Variants in DCC observed in about 807,000 individuals in gnomAD.
DCC encodes the protein netrin receptor DCC.
DCC carries 58 observed loss-of-function variants against 172.5 expected under a neutral mutation model. The observed-to-expected ratio is 0.34, with a 90% CI of 0.27 to 0.42. The LOEUF (loss-of-function observed/expected upper bound fraction) is 0.42. Ranked by LOEUF, DCC falls within the 10% of genes least tolerant of loss-of-function variation. The pLI is 1.00. For missense variants in DCC, 1,740 were observed against 1,791.0 expected, an observed-to-expected ratio of 0.97 and a Z score of 0.51; for synonymous variants, 709 against 644.5, an observed-to-expected ratio of 1.10 and a Z score of -1.52.
intron 5 of DCC, among the ~76,000 whole-genome samples, chr18:53,049,910 A>C (rs2144034445): frequency 6.6e-6 from 1 of 152,206 alleles, no homozygotes; most frequent in East Asian, 1.9e-4. Context: ...GCCATCTGCA[A>C]ATTGAGGAGC....
chr18:53,127,629 T>C (rs1331149569), intron 7 of DCC, among the ~76,000 whole-genome samples: 1 of 152,164 alleles, frequency 6.6e-6, no homozygotes, highest in Non-Finnish European at 1.5e-5. Flanking sequence ...TGTATGACTT[T>C]GAACAAATAA....
intron 2 of DCC, among the ~76,000 whole-genome samples, chr18:52,901,183 A>G (rs1019015756): frequency 1.3e-5 from 2 of 152,230 alleles, no homozygotes; most frequent in African/African-American, 4.8e-5. Context: ...CTGTGATCCT[A>G]GCACTTCAGG....
In DCC at chr18:52,764,838, A is replaced by C. The variant is rs142580082; in HGVS notation, c.412+12464A>C. On this transcript the variant is annotated intron_variant, in intron 2 of 28. Transcript: ENST00000442544. Reference sequence around the variant, plus strand: ...CTGTAAAAAGAAGTTTCTAGTAGATATCACTCCATGAACTATCTTGGGATT... The same window carrying C: ...CTGTAAAAAGAAGTTTCTAGTAGATCTCACTCCATGAACTATCTTGGGATT... Among the ~76,000 whole-genome samples the C allele has an allele frequency of 2.0e-3, 300 of 152,276 alleles. No individual in the cohort carries two copies. In the East Asian group the frequency reaches 0.02, roughly 10 times the overall value.
At chr18:53,408,961 G>A (rs1450557638) in intron 19 of DCC, among the ~76,000 whole-genome samples, 2 of 152,174 alleles carry the variant, frequency 1.3e-5, no homozygotes, top group South Asian at 2.1e-4. Flanking sequence ...ATTCTATAAG[G>A]CACTATGGGA....
At chr18:52,737,491 T>A (rs1313494732) in intron 1 of DCC, among the ~76,000 whole-genome samples, 4 of 152,198 alleles carry the variant, frequency 2.6e-5, no homozygotes, top group Admixed American at 1.3e-4. Flanking sequence ...TAAGACCATT[T>A]TCTCATCCTG....
intron 12 of DCC, 54 bp downstream of exon 12, chr18:53,215,651 T>C: frequency 7.0e-7 from 1 of 1,432,632 alleles, no homozygotes; most frequent in Non-Finnish European, 9.9e-7. Flanking sequence ...ACCTATCATG[T>C]ATAACCTTCA....
intron 1 of DCC, among the ~76,000 whole-genome samples, chr18:52,598,628 C>G (rs2033955951): frequency 6.6e-6 from 1 of 152,168 alleles, no homozygotes; most frequent in South Asian, 2.1e-4. Context: ...AGGCTCTATT[C>G]TTCTGCGGAT....
At chr18:53,080,906 C>T (rs73957023) in intron 7 of DCC, among the ~76,000 whole-genome samples, 5,936 of 152,062 alleles carry the variant, frequency 0.039, 369 homozygotes, top group African/African-American at 0.13. Flanking sequence ...ATAAGTGAGT[C>T]ATTCTCCTAC....
chr18:52,799,329 A>G (rs1022729857), intron 2 of DCC, among the ~76,000 whole-genome samples: 8 of 152,220 alleles, frequency 5.3e-5, no homozygotes, highest in Non-Finnish European at 8.8e-5. Context: ...TATACTCCTC[A>G]TTTTATAAAA....
chr18:53,202,617 T>C (rs11662175), intron 9 of DCC, among the ~76,000 whole-genome samples: 63,549 of 151,946 alleles, frequency 0.42, 13,856 homozygotes, highest in Non-Finnish European at 0.48. Context: ...ATGGTCCTAA[T>C]GTTATCTCCC....
intron 7 of DCC, among the ~76,000 whole-genome samples, chr18:53,109,506 C>G (rs767066046): frequency 4.6e-5 from 7 of 151,094 alleles, no homozygotes; most frequent in African/African-American, 7.3e-5. Context: ...GTCTCTGTCT[C>G]TGTGTGTGTG....
At chr18:52,474,592 T>C (rs1422554708) in intron 1 of DCC, among the ~76,000 whole-genome samples, 2 of 152,194 alleles carry the variant, frequency 1.3e-5, no homozygotes, top group Non-Finnish European at 2.9e-5. Context: ...AGGTTGTGAC[T>C]TCATCTGTCC....
intron 27 of DCC, among the ~76,000 whole-genome samples, chr18:53,514,855 A>G (rs2046314432): frequency 6.6e-6 from 1 of 151,956 alleles, no homozygotes; most frequent in Admixed American, 6.6e-5. Context: ...TTCACAGCCG[A>G]ATTCTACCAG....
At chr18:52,610,896 G>T (rs1471508715) in intron 1 of DCC, among the ~76,000 whole-genome samples, 1 of 152,016 alleles carries the variant, frequency 6.6e-6, no homozygotes, top group African/African-American at 2.4e-5. Flanking sequence ...CAGGTGGTGG[G>T]CTAGATTTTC....
intron 16 of DCC, among the ~76,000 whole-genome samples, chr18:53,389,459 G>A (rs1599096353): frequency 6.6e-6 from 1 of 152,100 alleles, no homozygotes; most frequent in Non-Finnish European, 1.5e-5. Context: ...CAGACACTAG[G>A]TTTTTATAGC....
chr18:53,447,915 T>C (rs1161642937), intron 22 of DCC, among the ~76,000 whole-genome samples: 3 of 152,190 alleles, frequency 2.0e-5, no homozygotes, highest in Non-Finnish European at 4.4e-5. Context: ...TTTGTAATCA[T>C]AATTTTTTAA....
At chr18:52,709,968 G>T (rs569536494) in intron 1 of DCC, among the ~76,000 whole-genome samples, 1 of 152,172 alleles carries the variant, frequency 6.6e-6, no homozygotes, top group Non-Finnish European at 1.5e-5. Flanking sequence ...CTGAGAATGT[G>T]GAGGAATAGG....
intron 25 of DCC, among the ~76,000 whole-genome samples, chr18:53,468,510 G>A (rs2045654948): frequency 6.6e-6 from 1 of 151,880 alleles, no homozygotes; most frequent in Non-Finnish European, 1.5e-5. Flanking sequence ...AGTCTTCCAA[G>A]AAGCTGGGAC....
At chr18:52,770,294 G>T (rs1045560851) in intron 2 of DCC, among the ~76,000 whole-genome samples, 1 of 151,794 alleles carries the variant, frequency 6.6e-6, no homozygotes, top group Non-Finnish European at 1.5e-5. Flanking sequence ...GAGTAATTTC[G>T]TGGAAATCCT....
Sources: gnomAD v4.1 joint callset for allele counts (sites outside exome capture counted in the v4.1 genomes callset) on GRCh38, gnomAD v4.1.1 for gene constraint, MANE v1.5 for transcripts, NCBI Gene and HGNC (gene_info 2026-07-23, HGNC 2026-07-21) for gene names.